GFRA1: variants seen among roughly 807,000 people sequenced by gnomAD.
The protein encoded by GFRA1 is GDNF family receptor alpha 1, also known as GDNF family receptor alpha-1.
In GFRA1, 16 loss-of-function variants were observed where a neutral mutation model predicts 51.6. The observed-to-expected ratio is 0.31, with a 90% CI of 0.21 to 0.47. The LOEUF is 0.47. GFRA1 is among the 20% of genes least tolerant of loss of function. The probability of loss-of-function intolerance (pLI) is 1.00; values close to 1 mark genes in which losing one functional copy is unlikely to be tolerated. For missense variants in GFRA1, 530 were observed against 594.3 expected (o/e 0.89, Z 1.13); for synonymous variants, 270 against 241.3 (o/e 1.12, Z -1.10).
At chr10:116,177,370 C>A (rs766054466) in intron 5 of GFRA1, among the ~76,000 whole-genome samples, 1 of 152,134 alleles carries the variant, frequency 6.6e-6, no homozygotes, top group East Asian at 1.9e-4. Flanking sequence ...AGAACAGACA[C>A]AGGAATGGCA....
chr10:116,176,774 C>T (rs1400209851), intron 5 of GFRA1, among the ~76,000 whole-genome samples: 1 of 139,002 alleles, frequency 7.2e-6, no homozygotes, highest in African/African-American at 2.6e-5. Context: ...CAATGTTGGG[C>T]CTACCATGGC....
chr10:116,117,531 G>A (rs1023800063), intron 6 of GFRA1, among the ~76,000 whole-genome samples: 2 of 132,830 alleles, frequency 1.5e-5, no homozygotes, highest in Non-Finnish European at 3.2e-5. Context: ...CCAGATGGAT[G>A]GATGGGTGGG....
chr10:116,255,294 T>C (rs117258005), intron 4 of GFRA1, among the ~76,000 whole-genome samples: 147 of 152,236 alleles, frequency 9.7e-4, no homozygotes, highest in Non-Finnish European at 1.5e-3. Flanking sequence ...TGAAACTGAG[T>C]AGAAATGAAT....
chr10:116,216,004 T>G (rs1382047139), intron 4 of GFRA1, among the ~76,000 whole-genome samples: 1 of 152,180 alleles, frequency 6.6e-6, no homozygotes, highest in East Asian at 1.9e-4. Context: ...TTGCCTTTCT[T>G]AGCCCTGCTG....
chr10:116,235,760 T>G (rs1211088686), intron 4 of GFRA1, among the ~76,000 whole-genome samples: 2 of 152,124 alleles, frequency 1.3e-5, no homozygotes, highest in African/African-American at 2.4e-5. Context: ...CATAAGGGTG[T>G]GGCCGTCAAG....
intron 9 of GFRA1, among the ~76,000 whole-genome samples, chr10:116,079,076 G>A (rs927938476): frequency 4.6e-5 from 7 of 152,082 alleles, no homozygotes; most frequent in South Asian, 2.1e-4. Flanking sequence ...ATCATCCAGC[G>A]CGCTGGATGC....
chr10:116,104,367 T>TCA (rs1956930238), intron 6 of GFRA1, among the ~76,000 whole-genome samples: 2 of 152,354 alleles, frequency 1.3e-5, no homozygotes, highest in South Asian at 4.1e-4. Flanking sequence ...CGATCACTGT[T>TCA]GCTCCTCTGG....
In GFRA1 at chr10:116,064,543, C is replaced by T. The variant is rs372719800; in HGVS notation, c.1253G>A (p.Gly418Asp). 1.2e-6 allele frequency: 2 copies of T among 1,611,402 alleles called. No individual in the cohort carries two copies. The highest frequency in any genetic ancestry group is 1.7e-6 in the Non-Finnish European group (2 of 1,177,816). ...ACCGAGACCTTCTTTTTCATAATTA[C>T]CCTGTAAGGAAGAATGGTTTCATTA... ...SGNTHLCISN[G>D]NYEKEGLGAS... Residue 418 changes from glycine to aspartate, a missense_variant and splice_region_variant, in exon 11 of 11, where the codon GGT becomes GAT. Coordinates refer to ENST00000355422, the MANE Select transcript of GFRA1 (RefSeq NM_005264.8).
At chr10:116,072,629 C>T (rs765593985) in intron 9 of GFRA1, among the ~76,000 whole-genome samples, 16 of 152,068 alleles carry the variant, frequency 1.1e-4, no homozygotes, top group Admixed American at 2.0e-4. Flanking sequence ...GGCATGTTGG[C>T]GCGCACCTGT....
rs565441267 is a variant in GFRA1 at position 116,152,924 on chromosome 10, A to G, written c.434-27367T>C. Among the ~76,000 whole-genome samples, 5 of 152,340 alleles carry G rather than the reference A, an allele frequency of 3.3e-5. No homozygotes were observed. In the South Asian group the frequency reaches 1.0e-3, roughly 32 times the overall value. On this transcript the variant is annotated intron_variant, in intron 5 of 10. Transcript: ENST00000355422. The stretch of plus-strand genomic sequence containing the variant: ...CTGTTTATTAGGAAGACAGTAGATG[A>G]CAAGTGCTTTTATTGAGCACTGAAC...
chr10:116,194,551 A>AT (rs531526951), intron 5 of GFRA1, among the ~76,000 whole-genome samples: 2 of 152,224 alleles, frequency 1.3e-5, no homozygotes, highest in East Asian at 1.9e-4. Context: ...TTTCTGAATG[A>AT]TTAAGTATTC....
intron 5 of GFRA1, among the ~76,000 whole-genome samples, chr10:116,201,524 C>A (rs1476813467): frequency 2.0e-5 from 3 of 152,102 alleles, no homozygotes; most frequent in Non-Finnish European, 2.9e-5. Flanking sequence ...CCCTCACTCC[C>A]CGGAGTTGCC....
intron 4 of GFRA1, among the ~76,000 whole-genome samples, chr10:116,215,948 G>A (rs761483256): frequency 1.3e-5 from 2 of 152,126 alleles, no homozygotes; most frequent in African/African-American, 2.4e-5. Context: ...GTATAAGTTG[G>A]TGATTCAGAT....
At chr10:116,232,514 AAATACT>A (rs1966745652) in intron 4 of GFRA1, among the ~76,000 whole-genome samples, 1 of 143,098 alleles carries the variant, frequency 7.0e-6, no homozygotes, top group South Asian at 2.2e-4. Context: ...AAAAAAAAAA[AAATACT>A]AATCCTGGTG....
intron 4 of GFRA1, among the ~76,000 whole-genome samples, chr10:116,231,954 A>C (rs182932501): frequency 1.3e-5 from 2 of 152,320 alleles, no homozygotes; most frequent in East Asian, 3.9e-4. Context: ...AGAGTTGAAC[A>C]AGTAGATGTT....
intron 9 of GFRA1, among the ~76,000 whole-genome samples, chr10:116,075,510 C>A (rs1955579224): frequency 6.6e-6 from 1 of 152,096 alleles, no homozygotes; most frequent in South Asian, 2.1e-4. Flanking sequence ...ATTTATCATT[C>A]TCATATTTTA....
chr10:116,158,448 T>TC (rs1157538326), intron 5 of GFRA1, among the ~76,000 whole-genome samples: 1 of 152,164 alleles, frequency 6.6e-6, no homozygotes, highest in East Asian at 1.9e-4. Flanking sequence ...AAAGGTGGCT[T>TC]CCCCATTTTA....
At position 116,065,632 on chromosome 10, in the gene GFRA1, G is replaced by T; in HGVS notation, c.1198-6C>A. 1 of 1,611,442 alleles carries T rather than the reference G, an allele frequency of 6.2e-7. No individual in the cohort carries two copies. Among genetic ancestry groups the T allele is most frequent in the Non-Finnish European group, 8.5e-7 (1 of 1,177,972 alleles). The stretch of plus-strand genomic sequence containing the variant: ...TTGGATTTCAGCTTCTGTGCCTGGA[G>T]AGGGACAAGAAAAAAAATGCTCAAA... On this transcript the variant is annotated splice_region_variant and splice_polypyrimidine_tract_variant and intron_variant, in intron 9 of 10. Transcript: ENST00000355422.
chr10:116,119,330 C>T (rs971312737), intron 6 of GFRA1, among the ~76,000 whole-genome samples: 1 of 152,210 alleles, frequency 6.6e-6, no homozygotes, highest in South Asian at 2.1e-4. Flanking sequence ...GCAGGCAGCT[C>T]GTGCAGGTGG....
Sources: allele counts gnomAD v4.1 joint callset (sites outside exome capture counted in the v4.1 genomes callset), GRCh38; gene constraint gnomAD v4.1.1; transcripts MANE v1.5; gene names NCBI Gene and HGNC (gene_info 2026-07-23, HGNC 2026-07-21).